Variants in SLC24A4 observed in about 807,000 individuals in gnomAD.
SLC24A4 encodes solute carrier family 24 member 4.
Under a neutral mutation model 79.0 loss-of-function variants are expected in SLC24A4, and 53 were observed. That is an observed-to-expected ratio of 0.67 (90% CI 0.54 to 0.84). The LOEUF is 0.84. SLC24A4 is among the 40% of genes least tolerant of loss of function. SLC24A4 has a pLI of 0.00. For missense variants in SLC24A4, 731 were observed against 822.0 expected (o/e 0.89, Z 1.35); for synonymous variants, 323 against 323.8 (o/e 1.00, Z 0.03).
At chr14:92,456,736 T>C (rs1893495238) in intron 12 of SLC24A4, 128 bp downstream of exon 12, 2 of 938,706 alleles carry the variant, frequency 2.1e-6, no homozygotes, top group Admixed American at 2.3e-5. Flanking sequence ...GGGTCGATAT[T>C]AGGTCACTGG....
chr14:92,342,630 G>A (rs1334394449), intron 2 of SLC24A4, among the ~76,000 whole-genome samples: 4 of 152,230 alleles, frequency 2.6e-5, no homozygotes, highest in Middle Eastern at 3.4e-3. Flanking sequence ...TGATCCACCC[G>A]CCTCGGCCTC....
At chr14:92,408,439 G>A (rs1890527317) in intron 2 of SLC24A4, 1 of 985,238 alleles carries the variant, frequency 1.0e-6, no homozygotes, top group Non-Finnish European at 1.2e-6. Flanking sequence ...AAACATGTGA[G>A]TTTATTTTAC....
At chr14:92,433,796 A>T in intron 2 of SLC24A4, 116 bp from the exon 3 acceptor site, 1 of 834,004 alleles carries the variant, frequency 1.2e-6, no homozygotes, top group Non-Finnish European at 2.1e-6. Context: ...CTTCTCTCTG[A>T]TCAGTCCAAA....
chr14:92,409,577 A>T (rs1331929730), intron 2 of SLC24A4, among the ~76,000 whole-genome samples: 1 of 152,238 alleles, frequency 6.6e-6, no homozygotes, highest in Non-Finnish European at 1.5e-5. Context: ...TGTCACCAGC[A>T]TCCAGGTCAA....
intron 2 of SLC24A4, among the ~76,000 whole-genome samples, chr14:92,359,447 G>T (rs1887371839): frequency 6.6e-6 from 1 of 151,896 alleles, no homozygotes; most frequent in Admixed American, 6.6e-5. Flanking sequence ...AATGAAAAAA[G>T]AATTAGCCGG....
chr14:92,337,607 A>G (rs1004982028), intron 2 of SLC24A4, among the ~76,000 whole-genome samples: 19 of 152,092 alleles, frequency 1.2e-4, no homozygotes, highest in African/African-American at 4.3e-4. Context: ...CCCTTGCTGT[A>G]TTTCTGTGGC....
chr14:92,372,867 C>CCCTTCCTTCCTTCCTTCCTT lies in SLC24A4; in HGVS notation c.241+46922_241+46941dup, dbSNP rs1276150058. Among the ~76,000 whole-genome samples, 48 of 109,888 alleles carry CCCTTCCTTCCTTCCTTCCTT rather than the reference C, an allele frequency of 4.4e-4. 1 individual carries two copies. The highest frequency in any genetic ancestry group is 1.6e-3 in the African/African-American group (44 of 27,982). 72.1% of individuals were successfully genotyped at this position (109,888 alleles called of 152,430 possible). ...CCTCTAGAACAGAAAGGGTCACTGT[C>CCCTTCCTTCCTTCCTTCCTT]CCTTCCTTCCTTCCTTCCTTCCTTC... On this transcript the variant is annotated intron_variant, in intron 2 of 16. Transcript: ENST00000532405.
intron 2 of SLC24A4, among the ~76,000 whole-genome samples, chr14:92,423,246 G>A (rs1891383961): frequency 6.6e-6 from 1 of 152,154 alleles, no homozygotes; most frequent in Non-Finnish European, 1.5e-5. Context: ...CCGGGTTCAA[G>A]CAATTCTCCT....
intron 2 of SLC24A4, among the ~76,000 whole-genome samples, chr14:92,418,845 G>T (rs192809703): frequency 6.6e-6 from 1 of 152,140 alleles, no homozygotes; most frequent in Admixed American, 6.6e-5. Context: ...GGGATTATAG[G>T]CACCTGCCAC....
intron 10 of SLC24A4, chr14:92,452,291 T>G (rs12882088): frequency 0.49 from 74,165 of 151,670 alleles, 18,867 homozygotes; most frequent in African/African-American, 0.63. Flanking sequence ...TGAAGCTGCG[T>G]TTTCTGTGGG....
intron 2 of SLC24A4, among the ~76,000 whole-genome samples, chr14:92,423,295 C>G (rs541667348): frequency 6.6e-6 from 1 of 151,998 alleles, no homozygotes. Flanking sequence ...CAGGCACGCG[C>G]GACCATGCCT....
chr14:92,369,442 T>C (rs1262410234), intron 2 of SLC24A4, among the ~76,000 whole-genome samples: 1 of 152,042 alleles, frequency 6.6e-6, no homozygotes, highest in African/African-American at 2.4e-5. Context: ...TTCAAAGATA[T>C]CAATGAGAAG....
intron 12 of SLC24A4, among the ~76,000 whole-genome samples, chr14:92,474,804 C>CAT (rs1254000087): frequency 1.1e-4 from 3 of 27,656 alleles, no homozygotes; most frequent in African/African-American, 1.3e-4. Flanking sequence ...TATATATATA[C>CAT]ATATATACAT....
At chr14:92,470,166 AAC>A (rs1383152990) in intron 12 of SLC24A4, among the ~76,000 whole-genome samples, 3 of 152,294 alleles carry the variant, frequency 2.0e-5, no homozygotes, top group South Asian at 4.1e-4. Context: ...ACTTGTTAGA[AAC>A]ACAAATTCTT....
At chr14:92,376,685 G>A (rs533988727) in intron 2 of SLC24A4, among the ~76,000 whole-genome samples, 3 of 152,356 alleles carry the variant, frequency 2.0e-5, no homozygotes, top group East Asian at 3.9e-4. Flanking sequence ...CAGCTCCAAG[G>A]TCAGCTGCTT....
chr14:92,371,664 C>T (rs1888163396), intron 2 of SLC24A4, among the ~76,000 whole-genome samples: 1 of 152,230 alleles, frequency 6.6e-6, no homozygotes, highest in Non-Finnish European at 1.5e-5. Context: ...TGTTTCTTTT[C>T]TTTCACCTAT....
rs75503086 is a variant in SLC24A4 at position 92,485,623 on chromosome 14, C to A, written c.1423-1043C>A. The stretch of plus-strand genomic sequence containing the variant: ...CTTACATTTTAAAGAAAGGATCCAG[C>A]GATTTCTCTTACTGAAGTGTATTTC... On this transcript the variant is annotated intron_variant, in intron 13 of 16. Coordinates refer to ENST00000532405, the MANE Select transcript of SLC24A4 (RefSeq NM_153646.4). Among the ~76,000 whole-genome samples the A allele has an allele frequency of 7.6e-3, 1,149 of 152,010 alleles. 13 individuals are homozygous for A. Among genetic ancestry groups the A allele is most frequent in the African/African-American group, 0.026 (1,091 of 41,458 alleles).
intron 2 of SLC24A4, among the ~76,000 whole-genome samples, chr14:92,385,698 G>A (rs999920766): frequency 3.3e-5 from 5 of 152,068 alleles, no homozygotes; most frequent in Admixed American, 3.3e-4. Flanking sequence ...CCATTTGGAT[G>A]CACTCTGGGG....
intron 12 of SLC24A4, among the ~76,000 whole-genome samples, chr14:92,461,216 C>T (rs947092562): frequency 2.6e-5 from 4 of 152,168 alleles, no homozygotes; most frequent in South Asian, 2.1e-4. Flanking sequence ...GCGCCCGTAA[C>T]GGTAAGGAAA....
Sources: allele counts gnomAD v4.1 joint callset (sites outside exome capture counted in the v4.1 genomes callset), GRCh38; gene constraint gnomAD v4.1.1; transcripts MANE v1.5; gene names NCBI Gene and HGNC (gene_info 2026-07-23, HGNC 2026-07-21).